Variants in DCDC1 observed in about 807,000 individuals in gnomAD.
The protein encoded by DCDC1 is doublecortin domain containing 1, also known as doublecortin domain-containing protein 1.
Under a neutral mutation model 178.3 loss-of-function variants are expected in DCDC1, and 200 were observed. That is an observed-to-expected ratio of 1.12 (90% CI 1.00 to 1.26). The LOEUF (loss-of-function observed/expected upper bound fraction) is 1.26, where lower values mean the gene tolerates loss of function less well. DCDC1 is among the 50% of genes most tolerant of loss of function. The pLI, the probability that DCDC1 is intolerant of heterozygous loss-of-function variation, is 0.00. For synonymous variants in DCDC1, 690 were observed against 604.8 expected (o/e 1.14, Z -2.07); for missense variants, 1,983 against 1,749.2 (o/e 1.13, Z -2.38).
In DCDC1 at chr11:31,110,299, TC is replaced by T. The variant is rs1959124472; in HGVS notation, c.1547del (p.Gly516AspfsTer11). 3 of 714,256 alleles carry T rather than the reference TC, an allele frequency of 4.2e-6. No individual in the cohort carries two copies. The highest frequency in any genetic ancestry group is 1.9e-5 in the Admixed American group (1 of 51,602). 44.2% of individuals were successfully genotyped at this position (714,256 alleles called of 1,614,324 possible). On this transcript the variant is annotated frameshift_variant, in exon 12 of 39. Transcript: ENST00000684477. LOFTEE classifies it high-confidence loss of function. Reference protein sequence around the residue: ...ISVGISKKDLGSDSPIQTDHM... With the variant: ...ISVGISKKDLXSDSPIQTDHM... ...GGTCAGTTTGAATTGGGCTATCCGATCCCAAATCTTTTTTACTGATACCAAC... is the reference window on the plus strand; with the variant it reads ...GGTCAGTTTGAATTGGGCTATCCGATCCAAATCTTTTTTACTGATACCAAC...
intron 11 of DCDC1, among the ~76,000 whole-genome samples, chr11:31,125,061 T>C (rs752458728): frequency 2.6e-5 from 4 of 151,882 alleles, no homozygotes; most frequent in South Asian, 2.1e-4. Flanking sequence ...ACAATTTACA[T>C]GGAACTTAAG....
chr11:31,309,600 C>A (rs1948651019), intron 3 of DCDC1, among the ~76,000 whole-genome samples: 1 of 151,988 alleles, frequency 6.6e-6, no homozygotes, highest in Non-Finnish European at 1.5e-5. Context: ...TCCAAGTTTC[C>A]AATAAATAGT....
chr11:31,127,259 G>A (rs529521607), intron 11 of DCDC1, among the ~76,000 whole-genome samples: 14 of 152,202 alleles, frequency 9.2e-5, no homozygotes, highest in Non-Finnish European at 1.6e-4. Flanking sequence ...ACTAGTTAAA[G>A]CTTATAAATA....
Position 30,941,471 on chromosome 11 carries a change from C to T in DCDC1, c.2716-9519G>A, listed in dbSNP as rs1947636766. 2.0e-5 allele frequency among the ~76,000 whole-genome samples: 3 copies of T among 152,248 alleles called. No homozygotes were observed. The South Asian group carries it at 6.2e-4, about 32-fold the overall frequency. On this transcript the variant is annotated intron_variant, in intron 21 of 38. Coordinates refer to ENST00000684477, the MANE Select transcript of DCDC1 (RefSeq NM_001387274.1). ...ATTTTACCTCAATGTCCCTTAAACA[C>T]ATCATCTCAGTTGTTTACATTTCCT...
chr11:31,119,129 T>C (rs1241327215), intron 11 of DCDC1, among the ~76,000 whole-genome samples: 2 of 152,176 alleles, frequency 1.3e-5, no homozygotes, highest in African/African-American at 4.8e-5. Flanking sequence ...CACCTGCCGC[T>C]AATTAGCTAT....
intron 9 of DCDC1, among the ~76,000 whole-genome samples, chr11:31,175,218 C>T (rs556735884): frequency 1.1e-4 from 17 of 152,270 alleles, no homozygotes; most frequent in African/African-American, 3.9e-4. Flanking sequence ...CCTGGTTCAG[C>T]CACAGATTCA....
intron 27 of DCDC1, among the ~76,000 whole-genome samples, chr11:30,914,258 A>G (rs183932521): frequency 5.8e-4 from 88 of 152,328 alleles, no homozygotes; most frequent in Non-Finnish European, 8.8e-4. Flanking sequence ...CGTCTTTTCT[A>G]ACATCAGCCC....
intron 1 of DCDC1, among the ~76,000 whole-genome samples, chr11:31,341,992 A>G (rs984261112): frequency 7.2e-5 from 11 of 152,180 alleles, no homozygotes; most frequent in Admixed American, 5.2e-4. Flanking sequence ...ATGGATGCCA[A>G]TGAGATCAGT....
At chr11:31,344,069 G>A (rs564840123) in intron 1 of DCDC1, among the ~76,000 whole-genome samples, 64 of 152,234 alleles carry the variant, frequency 4.2e-4, no homozygotes, top group Non-Finnish European at 6.8e-4. Flanking sequence ...ATCCTCACTA[G>A]AAGTAGAACA....
chr11:31,176,206 A>G (rs1021601564), intron 9 of DCDC1, among the ~76,000 whole-genome samples: 10 of 152,360 alleles, frequency 6.6e-5, no homozygotes, highest in African/African-American at 2.4e-4. Flanking sequence ...AGATATCACA[A>G]AAAAGAACCA....
At chr11:31,308,794 A>G (rs1396500621) in intron 3 of DCDC1, among the ~76,000 whole-genome samples, 1 of 152,170 alleles carries the variant, frequency 6.6e-6, no homozygotes, top group African/African-American at 2.4e-5. Flanking sequence ...GCAAATATTG[A>G]GCTGTGTGGT....
At chr11:31,226,435 A>T (rs1432600710) in intron 9 of DCDC1, among the ~76,000 whole-genome samples, 1 of 151,966 alleles carries the variant, frequency 6.6e-6, no homozygotes, top group Non-Finnish European at 1.5e-5. Flanking sequence ...AAAATTCAAC[A>T]AACTGTAAGA....
chr11:30,915,679 T>G lies in DCDC1; in HGVS notation c.3485A>C (p.His1162Pro). 6.2e-7 allele frequency: 1 copy of G among 1,613,878 alleles called. No individual in the cohort carries two copies. Among genetic ancestry groups the G allele is most frequent in the Non-Finnish European group, 8.5e-7 (1 of 1,179,822 alleles). ...CSPKHSKLHK[H>P]CHQQFEYRDG... Reference sequence around the variant, plus strand: ...TCTGTATTCGAACTGCTGATGACAATGCTTGTGCAATTTACTATGCTTTGG... The same window carrying G: ...TCTGTATTCGAACTGCTGATGACAAGGCTTGTGCAATTTACTATGCTTTGG... The change falls in exon 27 of 39, where the codon CAT becomes CCT. Residue 1162 changes from histidine (H) to proline (P), a missense_variant. Coordinates refer to ENST00000684477, the MANE Select transcript of DCDC1 (RefSeq NM_001387274.1).
At chr11:31,275,002 T>G (rs1464084654) in intron 7 of DCDC1, among the ~76,000 whole-genome samples, 1 of 152,044 alleles carries the variant, frequency 6.6e-6, no homozygotes, top group African/African-American at 2.4e-5. Flanking sequence ...CCCGTCTTTA[T>G]TTTACAAATC....
intron 2 of DCDC1, among the ~76,000 whole-genome samples, chr11:31,332,484 T>A (rs911536920): frequency 1.3e-5 from 2 of 152,214 alleles, no homozygotes; most frequent in Non-Finnish European, 2.9e-5. Context: ...GTGTCAATTT[T>A]AGATCTTTCC....
intron 12 of DCDC1, among the ~76,000 whole-genome samples, chr11:31,109,113 A>G (rs1034804264): frequency 2.7e-5 from 4 of 147,904 alleles, no homozygotes; most frequent in African/African-American, 5.0e-5. Context: ...ATAGAATAAT[A>G]TCTTCATTTT....
At chr11:31,095,109 C>A (rs1336993229) in intron 15 of DCDC1, among the ~76,000 whole-genome samples, 2 of 152,060 alleles carry the variant, frequency 1.3e-5, no homozygotes. Context: ...CATGTCCCTG[C>A]AAAGGACATG....
At chr11:30,923,233 G>A (rs1443448707) in intron 23 of DCDC1, among the ~76,000 whole-genome samples, 1 of 152,078 alleles carries the variant, frequency 6.6e-6, no homozygotes, top group Non-Finnish European at 1.5e-5. Flanking sequence ...CAGAGCTGAT[G>A]CACAGCAGGC....
chr11:31,322,142 G>T (rs1280684732), intron 3 of DCDC1, among the ~76,000 whole-genome samples: 1 of 152,180 alleles, frequency 6.6e-6, no homozygotes, highest in Non-Finnish European at 1.5e-5. Context: ...CACTCTGCAA[G>T]AGTAAGATCC....
Sources: allele counts gnomAD v4.1 joint callset (sites outside exome capture counted in the v4.1 genomes callset), GRCh38; gene constraint gnomAD v4.1.1; transcripts MANE v1.5; gene names NCBI Gene and HGNC (gene_info 2026-07-23, HGNC 2026-07-21).